The following RAB11FIP3 variants were observed in gnomAD, a reference collection of about 807,000 sequenced individuals.
The protein encoded by RAB11FIP3 is rab11 family-interacting protein 3.
A neutral mutation model predicts 77.8 loss-of-function variants in RAB11FIP3; 17 were observed. The ratio of observed to expected loss-of-function variants is 0.22; its 90% CI spans 0.15 to 0.33. The LOEUF is 0.33. Among genes scored for constraint, RAB11FIP3 ranks in the 10% least tolerant of loss-of-function variants. The probability of loss-of-function intolerance (pLI) is 1.00; values close to 1 mark genes in which losing one functional copy is unlikely to be tolerated. For missense variants in RAB11FIP3, 1,005 were observed against 1,011.2 expected (o/e 0.99, Z 0.08); for synonymous variants, 437 against 448.2 (o/e 0.98, Z 0.31).
chr16:492,539 C>CGTCCAGGGCCCTCCCGGG (rs2030653420), intron 5 of RAB11FIP3, among the ~76,000 whole-genome samples: 1 of 151,758 alleles, frequency 6.6e-6, no homozygotes, highest in African/African-American at 2.4e-5. Context: ...CGAGGCCGTC[C>CGTCCAGGGCCCTCCCGGG]AGAATCTTGG....
intron 1 of RAB11FIP3, among the ~76,000 whole-genome samples, chr16:428,707 G>A (rs111850513): frequency 3.9e-5 from 6 of 152,126 alleles, no homozygotes; most frequent in African/African-American, 1.4e-4. Flanking sequence ...CTTAGATGTG[G>A]TGGCTCACAA....
intron 2 of RAB11FIP3, among the ~76,000 whole-genome samples, chr16:468,135 G>GAA (rs2055743172): frequency 3.7e-5 from 3 of 81,168 alleles, no homozygotes; most frequent in Admixed American, 1.1e-4. Context: ...GAGGTGCAGG[G>GAA]GCCTCAGGGA....
chr16:496,751 T>G, intron 5 of RAB11FIP3, 73 bp from the exon 6 acceptor site: 3 of 1,472,024 alleles, frequency 2.0e-6, no homozygotes, highest in Non-Finnish European at 2.8e-6. Context: ...CTCCACAGCC[T>G]GAGTTTCCTG....
At chr16:457,124 G>C (rs150652034) in intron 1 of RAB11FIP3, among the ~76,000 whole-genome samples, 2 of 152,312 alleles carry the variant, frequency 1.3e-5, no homozygotes, top group Admixed American at 6.5e-5. Context: ...ACAAGATGCA[G>C]AAAGGCGGTT....
intron 1 of RAB11FIP3, among the ~76,000 whole-genome samples, chr16:427,190 A>G (rs2054962794): frequency 1.3e-5 from 2 of 152,158 alleles, no homozygotes; most frequent in Non-Finnish European, 2.9e-5. Flanking sequence ...ACTGATAGAC[A>G]CCTATTTTGA....
intron 8 of RAB11FIP3, 129 bp from the exon 9 acceptor site, chr16:510,531 G>T (rs1325244994): frequency 2.8e-6 from 3 of 1,063,806 alleles, no homozygotes; most frequent in Non-Finnish European, 3.9e-6. Context: ...GCTCGGGGAT[G>T]CCCTTCTCGG....
chr16:453,792 A>G (rs963683810), intron 1 of RAB11FIP3, among the ~76,000 whole-genome samples: 1 of 151,268 alleles, frequency 6.6e-6, no homozygotes, highest in African/African-American at 2.4e-5. Context: ...GCGGGGTTTC[A>G]CCATGTTAGC....
intron 9 of RAB11FIP3, among the ~76,000 whole-genome samples, chr16:511,746 C>A (rs2032182551): frequency 8.6e-6 from 1 of 116,350 alleles, no homozygotes; most frequent in Non-Finnish European, 1.7e-5. Context: ...GACAGACCGC[C>A]CACCCCAGAA....
intron 1 of RAB11FIP3, chr16:453,416 A>G (rs958022161): frequency 1.3e-5 from 2 of 152,004 alleles, no homozygotes; most frequent in Non-Finnish European, 2.9e-5. Flanking sequence ...ATTCCTGAAT[A>G]TGTGATATGC....
chr16:426,266 C>G lies in RAB11FIP3; in HGVS notation c.260C>G (p.Pro87Arg). Residue 87 changes from proline (P) to arginine (R), a missense_variant, in exon 1 of 14, where the codon CCG (proline) becomes CGG (arginine). Pro to Arg is a moderately radical substitution (Grantham distance 103). Around this residue, in one of 4 missense-constraint regions of RAB11FIP3, gnomAD observed 466 missense variants for 408.3 expected, o/e 1.14. Transcript: ENST00000262305. This position sits in a 1 kb window ranked among gnomAD's most constrained non-coding sequence, Gnocchi z 5.0. ...GLEGGPRDPG[P>R]SAPPPRSGPR... is the part of the protein sequence containing the mutation. Reference sequence around the variant, plus strand: ...GAGGGAGGCCCGCGAGACCCCGGGCCGTCCGCCCCGCCGCCGCGCTCCGGC... The same window carrying G: ...GAGGGAGGCCCGCGAGACCCCGGGCGGTCCGCCCCGCCGCCGCGCTCCGGC... 8.4e-7 allele frequency: 1 copy of G among 1,187,440 alleles called. No individual in the cohort carries two copies. Among genetic ancestry groups the G allele is most frequent in the Non-Finnish European group, 1.0e-6 (1 of 961,146 alleles). The allele number at this position is 1,187,440 out of a possible 1,614,324, so 73.6% of individuals were successfully genotyped here. A position where few individuals can be genotyped will look rare whatever the true frequency, so the allele number is the denominator to read the frequency against.
chr16:476,669 T>C (rs1415352639), intron 3 of RAB11FIP3, among the ~76,000 whole-genome samples: 1 of 151,192 alleles, frequency 6.6e-6, no homozygotes. Context: ...CCCAGCACTT[T>C]GGGAGGCTGA....
At chr16:433,674 C>G (rs1052950782) in intron 1 of RAB11FIP3, among the ~76,000 whole-genome samples, 3 of 151,228 alleles carry the variant, frequency 2.0e-5, no homozygotes, top group Middle Eastern at 3.4e-3. Flanking sequence ...CGGTGAAACC[C>G]TGTCTCTACT....
intron 1 of RAB11FIP3, among the ~76,000 whole-genome samples, chr16:450,686 C>G (rs1357820100): frequency 1.3e-5 from 2 of 152,174 alleles, no homozygotes; most frequent in East Asian, 3.9e-4. Flanking sequence ...TGAGTGACAT[C>G]TGTAGGTCAG....
At chr16:518,665 G>A (rs1229754606) in intron 9 of RAB11FIP3, among the ~76,000 whole-genome samples, 2 of 152,206 alleles carry the variant, frequency 1.3e-5, no homozygotes, top group African/African-American at 4.8e-5. Context: ...GATGGAGCTT[G>A]CAGTGAGCTG....
intron 1 of RAB11FIP3, among the ~76,000 whole-genome samples, chr16:431,779 T>C (rs2141840520): frequency 1.3e-5 from 2 of 151,216 alleles, no homozygotes; most frequent in South Asian, 2.1e-4. Context: ...TTTTTTGAGA[T>C]GGAGTCTCGC....
At chr16:467,033 G>A (rs927178248) in intron 2 of RAB11FIP3, among the ~76,000 whole-genome samples, 1 of 152,192 alleles carries the variant, frequency 6.6e-6, no homozygotes, top group Non-Finnish European at 1.5e-5. Context: ...GAGTGCTGTC[G>A]AACCAGCCTG....
chr16:471,230 C>T lies in RAB11FIP3; in HGVS notation c.809-65C>T, dbSNP rs764104053. The T allele has an allele frequency of 1.9e-4, 274 of 1,440,374 alleles. 1 individual carries two copies. Among genetic ancestry groups the T allele is most frequent in the Admixed American group, 9.8e-4 (56 of 57,224 alleles). 89.2% of individuals were successfully genotyped at this position (1,440,374 alleles called of 1,614,324 possible). A position where few individuals can be genotyped will look rare whatever the true frequency, so the allele number is the denominator to read the frequency against. On this transcript the variant is annotated intron_variant, in intron 2 of 13. Coordinates refer to ENST00000262305, the MANE Select transcript of RAB11FIP3 (RefSeq NM_014700.4). This position sits in a 1 kb window ranked among gnomAD's most constrained non-coding sequence, Gnocchi z 4.4. ...CCTCCTTCCCAGGGAGTCCCGAGGC[C>T]GCCAGGGGTCCCGTCACTGGGTGGC...
At chr16:427,644 A>C (rs918583375) in intron 1 of RAB11FIP3, among the ~76,000 whole-genome samples, 1 of 152,232 alleles carries the variant, frequency 6.6e-6, no homozygotes, top group Non-Finnish European at 1.5e-5. Context: ...CTTAGCAGGA[A>C]ATCCCTAAGG....
At chr16:442,965 C>G (rs999820807) in intron 1 of RAB11FIP3, among the ~76,000 whole-genome samples, 2 of 152,106 alleles carry the variant, frequency 1.3e-5, no homozygotes, top group Non-Finnish European at 2.9e-5. Flanking sequence ...AAAAACAAGG[C>G]TGACGTTTTT....
Sources: gnomAD v4.1 joint callset for allele counts (sites outside exome capture counted in the v4.1 genomes callset) on GRCh38, gnomAD v4.1.1 for gene constraint, gnomAD v4.1.1 regional missense constraint, Gnocchi (gnomAD v3.1) non-coding constraint, MANE v1.5 for transcripts, NCBI Gene and HGNC (gene_info 2026-07-23, HGNC 2026-07-21) for gene names.